TAFA1: variants seen among roughly 807,000 people sequenced by gnomAD.
The protein encoded by TAFA1 is chemokine-like protein TAFA-1.
In TAFA1, 4 loss-of-function variants were observed where a neutral mutation model predicts 18.5. That is an observed-to-expected ratio of 0.22 (90% CI 0.11 to 0.49). The LOEUF is 0.49. Ranked by LOEUF, TAFA1 falls within the 20% of genes least tolerant of loss-of-function variation. The pLI, the probability that TAFA1 is intolerant of heterozygous loss-of-function variation, is 0.98. For synonymous variants in TAFA1, 56 were observed against 55.2 expected (o/e 1.01, Z -0.06); for missense variants, 147 against 169.0 (o/e 0.87, Z 0.72).
Position 68,144,150 on chromosome 3 carries a change from G to A in TAFA1, c.118+137406G>A, listed in dbSNP as rs2065707168. Among the ~76,000 whole-genome samples, 7 of 152,230 alleles carry A rather than the reference G, an allele frequency of 4.6e-5. No homozygotes were observed. In the South Asian group the frequency reaches 1.5e-3, roughly 32 times the overall value. ...CCAGGACCGACCATTTGTTAGTATC[G>A]AGCATCTGCTAAAGTGTGAAAAATT... On this transcript the variant is annotated intron_variant, in intron 2 of 4. Coordinates refer to ENST00000478136, the MANE Select transcript of TAFA1 (RefSeq NM_213609.4).
intron 3 of TAFA1, among the ~76,000 whole-genome samples, chr3:68,481,327 T>C (rs1267376969): frequency 1.3e-5 from 2 of 152,068 alleles, no homozygotes; most frequent in African/African-American, 4.8e-5. Flanking sequence ...GGATTGGGGG[T>C]CTATAAACAG....
At chr3:68,217,211 G>A (rs778108341) in intron 2 of TAFA1, among the ~76,000 whole-genome samples, 6 of 151,700 alleles carry the variant, frequency 4.0e-5, no homozygotes, top group Non-Finnish European at 8.8e-5. Flanking sequence ...ACTTTTAATG[G>A]CAAAAACTGC....
chr3:68,454,970 A>C (rs538165364), intron 3 of TAFA1, among the ~76,000 whole-genome samples: 4 of 152,198 alleles, frequency 2.6e-5, no homozygotes, highest in African/African-American at 7.2e-5. Context: ...CTCCCCCAAA[A>C]CTTAACTACT....
intron 2 of TAFA1, among the ~76,000 whole-genome samples, chr3:68,027,318 A>G (rs1433868952): frequency 6.6e-6 from 1 of 152,146 alleles, no homozygotes; most frequent in African/African-American, 2.4e-5. Flanking sequence ...TCCTGAGGAC[A>G]CTGGGGCTAT....
chr3:68,465,160 A>G (rs2071862879), intron 3 of TAFA1, among the ~76,000 whole-genome samples: 1 of 152,166 alleles, frequency 6.6e-6, no homozygotes, highest in African/African-American at 2.4e-5. Context: ...GATCAGTGAT[A>G]AAGATCAGTA....
intron 2 of TAFA1, among the ~76,000 whole-genome samples, chr3:68,289,526 T>C (rs73097400): frequency 6.7e-6 from 1 of 149,828 alleles, no homozygotes; most frequent in Admixed American, 6.6e-5. Context: ...TAGGAGAGGC[T>C]TATGGGCTAG....
At chr3:68,181,850 G>A (rs2066205991) in intron 2 of TAFA1, among the ~76,000 whole-genome samples, 1 of 152,118 alleles carries the variant, frequency 6.6e-6, no homozygotes, top group Non-Finnish European at 1.5e-5. Context: ...AAGAAGCAGA[G>A]CAGAGCTAAA....
chr3:68,322,126 C>T (rs1222864951), intron 2 of TAFA1, among the ~76,000 whole-genome samples: 1 of 152,200 alleles, frequency 6.6e-6, no homozygotes, highest in South Asian at 2.1e-4. Flanking sequence ...TTCCTAATTT[C>T]CTGGGCCTGG....
intron 2 of TAFA1, among the ~76,000 whole-genome samples, chr3:68,076,799 T>G (rs1417837651): frequency 1.3e-5 from 2 of 152,254 alleles, no homozygotes; most frequent in African/African-American, 2.4e-5. Context: ...GCAGCATGAT[T>G]TATAGTCCTT....
chr3:68,183,569 T>C (rs1315408295), intron 2 of TAFA1, among the ~76,000 whole-genome samples: 1 of 152,186 alleles, frequency 6.6e-6, no homozygotes, highest in African/African-American at 2.4e-5. Flanking sequence ...CTTTTCTTAT[T>C]ATTTATTAGC....
intron 2 of TAFA1, among the ~76,000 whole-genome samples, chr3:68,171,650 G>T (rs888266311): frequency 1.3e-5 from 2 of 152,152 alleles, no homozygotes; most frequent in African/African-American, 4.8e-5. Flanking sequence ...AAGACTTTAA[G>T]CAATTACAAA....
chr3:68,407,829 G>A (rs576502012), intron 2 of TAFA1, among the ~76,000 whole-genome samples: 12 of 151,882 alleles, frequency 7.9e-5, no homozygotes, highest in Non-Finnish European at 1.3e-4. Context: ...TTACATACCC[G>A]AGGACGCTGG....
At chr3:68,158,462 T>C (rs1213575416) in intron 2 of TAFA1, among the ~76,000 whole-genome samples, 1 of 151,978 alleles carries the variant, frequency 6.6e-6, no homozygotes, top group East Asian at 1.9e-4. Context: ...CTTTATTGAA[T>C]CTTGATGACA....
intron 2 of TAFA1, among the ~76,000 whole-genome samples, chr3:68,096,119 T>C (rs1225087702): frequency 6.6e-6 from 1 of 152,140 alleles, no homozygotes; most frequent in African/African-American, 2.4e-5. Context: ...TCTATCATTC[T>C]ACCCTCTACC....
At chr3:68,219,360 C>G (rs1203336951) in intron 2 of TAFA1, among the ~76,000 whole-genome samples, 1 of 152,104 alleles carries the variant, frequency 6.6e-6, no homozygotes, top group Admixed American at 6.5e-5. Flanking sequence ...CATTATTGAA[C>G]TGAATATCAA....
chr3:68,364,657 C>G lies in TAFA1; in HGVS notation c.119-52623C>G, dbSNP rs79980397. Among the ~76,000 whole-genome samples the G allele has an allele frequency of 5.5e-3, 830 of 152,120 alleles. 43 individuals are homozygous for G. In the East Asian group the frequency reaches 0.1, roughly 19 times the overall value. On this transcript the variant is annotated intron_variant, in intron 2 of 4. Transcript: ENST00000478136. ...GATGTATATCTAAGAAAAGCATAGACTATATATTCTTCAATTCTGTTTTTT... is the reference window on the plus strand; with the variant it reads ...GATGTATATCTAAGAAAAGCATAGAGTATATATTCTTCAATTCTGTTTTTT...
intron 3 of TAFA1, among the ~76,000 whole-genome samples, chr3:68,519,601 A>C (rs1054531262): frequency 3.3e-5 from 5 of 152,208 alleles, no homozygotes; most frequent in Non-Finnish European, 5.9e-5. Flanking sequence ...GCTTATAAAC[A>C]ACAGAAACAT....
intron 2 of TAFA1, among the ~76,000 whole-genome samples, chr3:68,170,377 G>T (rs866197839): frequency 1.3e-5 from 2 of 152,156 alleles, no homozygotes; most frequent in African/African-American, 2.4e-5. Context: ...ATTTCTCTGT[G>T]CAAACAGCCC....
chr3:68,454,365 G>A (rs2071620163), intron 3 of TAFA1, among the ~76,000 whole-genome samples: 1 of 152,048 alleles, frequency 6.6e-6, no homozygotes, highest in Non-Finnish European at 1.5e-5. Flanking sequence ...TCACATCCCA[G>A]CTGGCCTTGA....
Sources: allele counts gnomAD v4.1 joint callset (sites outside exome capture counted in the v4.1 genomes callset), GRCh38; gene constraint gnomAD v4.1.1; transcripts MANE v1.5; gene names NCBI Gene and HGNC (gene_info 2026-07-23, HGNC 2026-07-21).